ATRNL1: variants seen among roughly 807,000 people sequenced by gnomAD.
The protein encoded by ATRNL1 is attractin like 1.
Under a neutral mutation model 182.7 loss-of-function variants are expected in ATRNL1, and 95 were observed. The ratio of observed to expected loss-of-function variants is 0.52; its 90% CI spans 0.44 to 0.62. ATRNL1 has a LOEUF of 0.62. ATRNL1 is among the 20% of genes least tolerant of loss of function. The pLI, the probability that ATRNL1 is intolerant of heterozygous loss-of-function variation, is 0.00. For synonymous variants in ATRNL1, 576 were observed against 568.3 expected, an observed-to-expected ratio of 1.01 and a Z score of -0.19; for missense variants, 1,471 against 1,679.5, an observed-to-expected ratio of 0.88 and a Z score of 2.17.
At chr10:115,313,634 G>A (rs546679081) in intron 17 of ATRNL1, among the ~76,000 whole-genome samples, 220 of 152,260 alleles carry the variant, frequency 1.4e-3, no homozygotes, top group African/African-American at 4.9e-3. Context: ...TCAATAGGTG[G>A]TGTCCACAGG....
chr10:115,434,600 A>G (rs1217286992), intron 21 of ATRNL1, among the ~76,000 whole-genome samples: 1 of 152,218 alleles, frequency 6.6e-6, no homozygotes, highest in Non-Finnish European at 1.5e-5. Context: ...TTAAAAAATC[A>G]TATGCCATTT....
chr10:115,722,585 G>A (rs10159623), intron 26 of ATRNL1, among the ~76,000 whole-genome samples: 1 of 151,826 alleles, frequency 6.6e-6, no homozygotes, highest in African/African-American at 2.4e-5. Flanking sequence ...ATAACAGAAA[G>A]CCTCTTATTT....
intron 24 of ATRNL1, among the ~76,000 whole-genome samples, chr10:115,495,332 AT>A (rs1336310138): frequency 6.6e-6 from 1 of 151,550 alleles, no homozygotes; most frequent in Non-Finnish European, 1.5e-5. Context: ...TTGAGTTCTG[AT>A]TTTGGTTACT....
intron 19 of ATRNL1, among the ~76,000 whole-genome samples, chr10:115,367,047 T>C (rs1253416311): frequency 3.9e-5 from 5 of 127,660 alleles, no homozygotes; most frequent in Admixed American, 3.1e-4. Context: ...CTGTATTTCC[T>C]GAATCTGATC....
chr10:115,346,585 CT>C (rs1221285505), intron 19 of ATRNL1, among the ~76,000 whole-genome samples: 4 of 152,194 alleles, frequency 2.6e-5, no homozygotes, highest in African/African-American at 9.6e-5. Flanking sequence ...TTGCTTCCAC[CT>C]TTTGGCTGTT....
intron 8 of ATRNL1, among the ~76,000 whole-genome samples, chr10:115,209,720 A>G (rs1321088415): frequency 3.3e-5 from 5 of 151,896 alleles, no homozygotes; most frequent in Non-Finnish European, 7.4e-5. Context: ...GGATAAGAAC[A>G]TATGTTTTCT....
intron 26 of ATRNL1, among the ~76,000 whole-genome samples, chr10:115,570,729 C>G (rs573628226): frequency 6.6e-6 from 1 of 152,286 alleles, no homozygotes; most frequent in African/African-American, 2.4e-5. Context: ...CTTAATTATA[C>G]TGACAGTTGT....
At position 115,316,319 on chromosome 10, in the gene ATRNL1, T is replaced by A. The variant is rs374598583; in HGVS notation, c.3037+583T>A. 3.9e-5 allele frequency among the ~76,000 whole-genome samples: 6 copies of A among 152,330 alleles called. No individual in the cohort carries two copies. In the South Asian group the frequency reaches 1.0e-3, roughly 26 times the overall value. On this transcript the variant is annotated intron_variant, in intron 18 of 28. Transcript: ENST00000355044. ...CTTTTTATGGCTATGCAGTATTCCA[T>A]GGTGTATACGAACCACATTTTCTAT...
intron 6 of ATRNL1, among the ~76,000 whole-genome samples, chr10:115,162,620 T>C (rs1554883533): frequency 3.3e-5 from 5 of 150,858 alleles, no homozygotes; most frequent in Non-Finnish European, 7.4e-5. Context: ...TTATTGATGA[T>C]ATACTGGGGA....
intron 28 of ATRNL1, among the ~76,000 whole-genome samples, chr10:115,922,621 G>C (rs1224093041): frequency 2.0e-5 from 3 of 152,138 alleles, no homozygotes; most frequent in African/African-American, 7.2e-5. Flanking sequence ...ATGAATCACT[G>C]TACTCAGCCT....
intron 3 of ATRNL1, among the ~76,000 whole-genome samples, chr10:115,123,293 G>A (rs757423416): frequency 9.2e-5 from 14 of 152,008 alleles, no homozygotes; most frequent in Non-Finnish European, 7.4e-5. Context: ...CAAAGATCTC[G>A]TTGGGGGAGT....
At chr10:115,774,326 G>A (rs965611239) in intron 27 of ATRNL1, among the ~76,000 whole-genome samples, 1 of 147,228 alleles carries the variant, frequency 6.8e-6, no homozygotes, top group South Asian at 2.1e-4. Context: ...TACTCAAGAG[G>A]CTGAGGCAGA....
At chr10:115,849,878 G>A (rs1047143873) in intron 28 of ATRNL1, among the ~76,000 whole-genome samples, 3 of 152,112 alleles carry the variant, frequency 2.0e-5, no homozygotes, top group Non-Finnish European at 4.4e-5. Flanking sequence ...AACAGCCCAT[G>A]TCTTTACAAA....
chr10:115,639,125 A>G (rs1859072707), intron 26 of ATRNL1, among the ~76,000 whole-genome samples: 1 of 152,226 alleles, frequency 6.6e-6, no homozygotes, highest in African/African-American at 2.4e-5. Context: ...GAAAAATATA[A>G]TCAGAGAAGA....
At chr10:115,253,791 C>T (rs1850990895) in intron 10 of ATRNL1, among the ~76,000 whole-genome samples, 1 of 152,174 alleles carries the variant, frequency 6.6e-6, no homozygotes, top group African/African-American at 2.4e-5. Context: ...ATCCCCAGGC[C>T]CCCAACCCCA....
Position 115,300,058 on chromosome 10 carries a change from C to T in ATRNL1, c.2440C>T (p.Arg814Cys), listed in dbSNP as rs782117004. 55 of 1,612,582 alleles carry T rather than the reference C, an allele frequency of 3.4e-5. No homozygotes were observed. Among genetic ancestry groups the T allele is most frequent in the Middle Eastern group, 1.6e-4 (1 of 6,078 alleles). The change falls in exon 16 of 29, where the codon CGC becomes TGC. Residue 814 changes from arginine to cysteine, a missense_variant. By Grantham distance (180) the Arg-to-Cys change is radical. This residue lies in a region of ATRNL1 where 1,031 missense variants were observed against 1,156.0 expected (regional missense o/e 0.89). Transcript: ENST00000355044. ...QQKVSPWVGL[R>C]KINISYWGWE... The stretch of plus-strand genomic sequence containing the variant: ...GAAAGTATCACCTTGGGTAGGCTTG[C>T]GCAAGATCAATATATCCTATTGGGG...
intron 26 of ATRNL1, among the ~76,000 whole-genome samples, chr10:115,607,386 A>G (rs1454206573): frequency 6.6e-6 from 1 of 151,856 alleles, no homozygotes; most frequent in Non-Finnish European, 1.5e-5. Context: ...TATAAAAATT[A>G]CTTAAAAAAT....
chr10:115,736,822 C>G (rs1555065876), intron 27 of ATRNL1, among the ~76,000 whole-genome samples: 1 of 152,086 alleles, frequency 6.6e-6, no homozygotes. Context: ...GGCTGGAGTG[C>G]AGTGGCATGA....
intron 26 of ATRNL1, among the ~76,000 whole-genome samples, chr10:115,648,881 G>A (rs773608253): frequency 2.6e-5 from 4 of 152,120 alleles, no homozygotes; most frequent in Admixed American, 6.6e-5. Context: ...CCATTTTGTG[G>A]TAGAACATTT....
Sources: gnomAD v4.1 joint callset for allele counts (sites outside exome capture counted in the v4.1 genomes callset) on GRCh38, gnomAD v4.1.1 for gene constraint, gnomAD v4.1.1 regional missense constraint, MANE v1.5 for transcripts, NCBI Gene and HGNC (gene_info 2026-07-23, HGNC 2026-07-21) for gene names.